Variants in FRMD4A observed in about 807,000 individuals in gnomAD.
FRMD4A encodes the protein FERM domain-containing protein 4A.
Under a neutral mutation model 129.1 loss-of-function variants are expected in FRMD4A, and 29 were observed. The observed-to-expected ratio is 0.22, with a 90% confidence interval of 0.17 to 0.31. FRMD4A has a LOEUF of 0.31. FRMD4A is among the 10% of genes least tolerant of loss of function. The probability of loss-of-function intolerance (pLI) is 1.00; values close to 1 mark genes in which losing one functional copy is unlikely to be tolerated. For synonymous variants in FRMD4A, 634 were observed against 571.6 expected, an observed-to-expected ratio of 1.11 and a Z score of -1.56; for missense variants, 1,272 against 1,375.8, an observed-to-expected ratio of 0.92 and a Z score of 1.19.
At chr10:14,186,329 C>T (rs77541875) in intron 2 of FRMD4A, among the ~76,000 whole-genome samples, 1,537 of 152,196 alleles carry the variant, frequency 0.01, 25 homozygotes, top group African/African-American at 0.033. Flanking sequence ...TTTGCACATG[C>T]GACCCATGAG....
intron 2 of FRMD4A, among the ~76,000 whole-genome samples, chr10:13,958,316 G>T (rs1334791702): frequency 4.1e-5 from 5 of 121,278 alleles, no homozygotes; most frequent in Admixed American, 1.2e-4. Context: ...ACGGAGTCTC[G>T]CTCGTCGCCC....
At chr10:14,126,555 C>A (rs538062832) in intron 2 of FRMD4A, among the ~76,000 whole-genome samples, 26 of 146,388 alleles carry the variant, frequency 1.8e-4, no homozygotes, top group African/African-American at 6.5e-4. Context: ...TACACGATGA[C>A]CACCAGCAGC....
At chr10:14,229,901 T>C (rs1843578306) in intron 2 of FRMD4A, among the ~76,000 whole-genome samples, 1 of 152,272 alleles carries the variant, frequency 6.6e-6, no homozygotes, top group Non-Finnish European at 1.5e-5. Context: ...GGGGTCATTC[T>C]GCCCCAAATC....
chr10:13,670,614 C>T lies in FRMD4A; in HGVS notation c.1252-86G>A, dbSNP rs913524957. 64 of 1,418,158 alleles carry T rather than the reference C, an allele frequency of 4.5e-5. No homozygotes were observed. The African/African-American group carries it at 5.8e-4, about 13-fold the overall frequency. 87.8% of individuals were successfully genotyped at this position (1,418,158 alleles called of 1,614,324 possible). ...TAGAACACACACACACGCACATACA[C>T]GCACACAAAAATGCACGCATGCACT... On this transcript the variant is annotated intron_variant, in intron 16 of 24. Coordinates refer to ENST00000357447, the MANE Select transcript of FRMD4A (RefSeq NM_018027.5).
At chr10:14,047,692 A>G (rs976658054) in intron 2 of FRMD4A, among the ~76,000 whole-genome samples, 1 of 152,232 alleles carries the variant, frequency 6.6e-6, no homozygotes, top group Non-Finnish European at 1.5e-5. Flanking sequence ...TCACGTCTGC[A>G]AAGTACTTTT....
intron 15 of FRMD4A, among the ~76,000 whole-genome samples, chr10:13,678,582 T>C (rs1264199359): frequency 6.6e-6 from 1 of 152,234 alleles, no homozygotes; most frequent in East Asian, 1.9e-4. Flanking sequence ...CTAGGGCAGG[T>C]TGAACATGAG....
intron 2 of FRMD4A, among the ~76,000 whole-genome samples, chr10:14,240,934 C>T (rs996142957): frequency 4.0e-5 from 6 of 150,696 alleles, no homozygotes; most frequent in African/African-American, 7.3e-5. Context: ...AAAAAAATTC[C>T]GGGCAATTTT....
intron 12 of FRMD4A, chr10:13,712,009 A>G (rs1193481626): frequency 4.6e-5 from 7 of 152,240 alleles, no homozygotes; most frequent in African/African-American, 1.7e-4. Context: ...GAGCTACAAT[A>G]TGACTGTAAG....
intron 2 of FRMD4A, among the ~76,000 whole-genome samples, chr10:14,232,484 G>A (rs1843670326): frequency 6.6e-6 from 1 of 152,158 alleles, no homozygotes; most frequent in South Asian, 2.1e-4. Context: ...TTTATAGTTT[G>A]ATAAAAATAG....
chr10:14,036,981 C>A (rs1833531914), intron 2 of FRMD4A, among the ~76,000 whole-genome samples: 1 of 152,304 alleles, frequency 6.6e-6, no homozygotes, highest in Admixed American at 6.5e-5. Flanking sequence ...GCAGATGATA[C>A]AAAATTCAAA....
intron 2 of FRMD4A, among the ~76,000 whole-genome samples, chr10:13,966,774 C>T (rs546424847): frequency 6.5e-4 from 99 of 152,360 alleles, no homozygotes; most frequent in African/African-American, 2.1e-3. Context: ...CACTTGCACA[C>T]GCATGTTTAT....
At chr10:13,871,367 G>A (rs2094437563) in intron 2 of FRMD4A, among the ~76,000 whole-genome samples, 1 of 152,204 alleles carries the variant, frequency 6.6e-6, no homozygotes, top group Admixed American at 6.5e-5. Flanking sequence ...CCTCTGACAG[G>A]AAGAGTTTGT....
chr10:13,795,509 T>C (rs2093096255), intron 5 of FRMD4A, among the ~76,000 whole-genome samples: 1 of 152,240 alleles, frequency 6.6e-6, no homozygotes, highest in Non-Finnish European at 1.5e-5. Flanking sequence ...TGTCTGGAAC[T>C]GCATTCCTGA....
chr10:14,089,726 C>T (rs1284511335), intron 2 of FRMD4A, among the ~76,000 whole-genome samples: 1 of 152,042 alleles, frequency 6.6e-6, no homozygotes, highest in African/African-American at 2.4e-5. Context: ...AATACCTCCC[C>T]GGCCCGTAGA....
At chr10:13,884,880 C>T (rs145573795) in intron 2 of FRMD4A, among the ~76,000 whole-genome samples, 240 of 152,312 alleles carry the variant, frequency 1.6e-3, no homozygotes, top group African/African-American at 5.2e-3. Flanking sequence ...CATTTGTCCA[C>T]GTATACTACT....
At chr10:13,917,135 G>T (rs920972760) in intron 2 of FRMD4A, among the ~76,000 whole-genome samples, 1 of 152,160 alleles carries the variant, frequency 6.6e-6, no homozygotes, top group African/African-American at 2.4e-5. Context: ...TGAATACCAA[G>T]TCAGGTGACA....
chr10:13,750,109 GAAGAAAGAAAGAAAGAAAGAAAGA>G (rs137911059), intron 8 of FRMD4A, among the ~76,000 whole-genome samples: 1 of 73,578 alleles, frequency 1.4e-5, no homozygotes, highest in African/African-American at 5.8e-5. Context: ...AGAAAGAAAT[GAAGAAAGAAAGAAAGAAAGAAAGA>G]AAGAAAGAAA....
At chr10:13,938,919 T>C (rs1029236690) in intron 2 of FRMD4A, among the ~76,000 whole-genome samples, 9 of 148,632 alleles carry the variant, frequency 6.1e-5, no homozygotes, top group Admixed American at 4.7e-4. Flanking sequence ...GGCAACATCA[T>C]GAGATATGTT....
At chr10:14,027,742 TACTC>T (rs1277900221) in intron 2 of FRMD4A, among the ~76,000 whole-genome samples, 2 of 152,228 alleles carry the variant, frequency 1.3e-5, no homozygotes, top group African/African-American at 4.8e-5. Flanking sequence ...GTGTGGTTCT[TACTC>T]TAGCACTGGG....
Sources: allele counts gnomAD v4.1 joint callset (sites outside exome capture counted in the v4.1 genomes callset), GRCh38; gene constraint gnomAD v4.1.1; transcripts MANE v1.5; gene names NCBI Gene and HGNC (gene_info 2026-07-23, HGNC 2026-07-21).